Variants in EML1 observed in about 807,000 individuals in gnomAD.
EML1 encodes EMAP like 1.
A neutral mutation model predicts 110.4 loss-of-function variants in EML1; 27 were observed. That is an observed-to-expected ratio of 0.24 (90% CI 0.18 to 0.34). EML1 has a LOEUF of 0.34. Ranked by LOEUF, EML1 falls within the 10% of genes least tolerant of loss-of-function variation. EML1 has a pLI of 1.00. For synonymous variants in EML1, 344 were observed against 385.8 expected, an observed-to-expected ratio of 0.89 and a Z score of 1.27; for missense variants, 741 against 1,030.9, an observed-to-expected ratio of 0.72 and a Z score of 3.85.
chr14:99,820,181 A>G (rs979989443), intron 1 of EML1, among the ~76,000 whole-genome samples: 5 of 152,354 alleles, frequency 3.3e-5, no homozygotes, highest in South Asian at 4.1e-4. Flanking sequence ...ATATCTTTAC[A>G]TATTTTTACT....
chr14:99,879,608 CAT>C (rs2059352176), intron 4 of EML1, among the ~76,000 whole-genome samples: 1 of 152,208 alleles, frequency 6.6e-6, no homozygotes, highest in Non-Finnish European at 1.5e-5. Context: ...TTGTAGAAAA[CAT>C]AGAGACACTT....
chr14:99,869,725 G>T (rs997524739), intron 3 of EML1, among the ~76,000 whole-genome samples: 1 of 151,684 alleles, frequency 6.6e-6, no homozygotes, highest in Non-Finnish European at 1.5e-5. Flanking sequence ...GGTTCATCAG[G>T]GTAGATCCCT....
intron 2 of EML1, among the ~76,000 whole-genome samples, chr14:99,859,323 G>A (rs997800838): frequency 3.3e-5 from 5 of 152,010 alleles, no homozygotes; most frequent in African/African-American, 7.3e-5. Flanking sequence ...CATAAATACC[G>A]CACCTGTTAC....
chr14:99,909,115 C>G (rs1019906764), intron 10 of EML1, among the ~76,000 whole-genome samples: 1 of 152,168 alleles, frequency 6.6e-6, no homozygotes. Flanking sequence ...TGCTCCCTGT[C>G]CTCAAGGGCT....
chr14:99,848,175 C>G (rs185517652), intron 1 of EML1, among the ~76,000 whole-genome samples: 84 of 152,152 alleles, frequency 5.5e-4, no homozygotes, highest in African/African-American at 2.0e-3. Context: ...TAGCTACACT[C>G]CTTTGCATTA....
intron 1 of EML1, among the ~76,000 whole-genome samples, chr14:99,799,980 T>C (rs1445306513): frequency 6.6e-6 from 1 of 152,210 alleles, no homozygotes; most frequent in African/African-American, 2.4e-5. Flanking sequence ...CTTACAAAAA[T>C]TTCTTTCAGG....
chr14:99,869,850 A>G (rs914480927), intron 3 of EML1, among the ~76,000 whole-genome samples: 2 of 152,230 alleles, frequency 1.3e-5, no homozygotes, highest in South Asian at 2.1e-4. Context: ...CTCTCTTGCC[A>G]AAGGACGTGC....
chr14:99,826,568 A>T (rs2058362985), intron 1 of EML1, among the ~76,000 whole-genome samples: 1 of 152,270 alleles, frequency 6.6e-6, no homozygotes, highest in South Asian at 2.1e-4. Context: ...AGCACGCCAC[A>T]GCCTTCTGCA....
chr14:99,875,433 TTCA>T (rs1333387639), intron 3 of EML1, among the ~76,000 whole-genome samples: 1 of 152,210 alleles, frequency 6.6e-6, no homozygotes. Flanking sequence ...TGCTGCAGTT[TTCA>T]TCACTGGCAC....
chr14:99,850,584 T>C (rs900662948), intron 1 of EML1, among the ~76,000 whole-genome samples: 4 of 152,086 alleles, frequency 2.6e-5, no homozygotes, highest in Non-Finnish European at 5.9e-5. Context: ...CAAGTTGGCC[T>C]CCATGTAGAA....
intron 1 of EML1, among the ~76,000 whole-genome samples, chr14:99,842,170 C>T (rs2058644307): frequency 6.6e-6 from 1 of 152,182 alleles, no homozygotes; most frequent in Non-Finnish European, 1.5e-5. Context: ...CATTCCCAAC[C>T]TGAGGTTTTC....
At chr14:99,818,403 C>G (rs1335177437) in intron 1 of EML1, among the ~76,000 whole-genome samples, 1 of 152,150 alleles carries the variant, frequency 6.6e-6, no homozygotes, top group African/African-American at 2.4e-5. Context: ...TGTCCTATAT[C>G]TGCAGATATT....
chr14:99,860,677 A>G (rs920550862), intron 2 of EML1, among the ~76,000 whole-genome samples: 2 of 152,216 alleles, frequency 1.3e-5, no homozygotes, highest in Admixed American at 1.3e-4. Context: ...CTATTTAATC[A>G]GTCAGTGGTT....
intron 17 of EML1, among the ~76,000 whole-genome samples, chr14:99,926,167 G>A (rs1377158596): frequency 6.6e-6 from 1 of 152,164 alleles, no homozygotes; most frequent in Non-Finnish European, 1.5e-5. Context: ...GTCTGGAAAT[G>A]GTTGTTTTTG....
intron 4 of EML1, among the ~76,000 whole-genome samples, chr14:99,890,015 ATTAC>A (rs2059559489): frequency 6.6e-6 from 1 of 152,170 alleles, no homozygotes; most frequent in Non-Finnish European, 1.5e-5. Context: ...AATATAGAAT[ATTAC>A]TTACTACATC....
At position 99,914,176 on chromosome 14, in the gene EML1, C is replaced by A. The variant is rs761574628; in HGVS notation, c.1495-3C>A. On this transcript the variant is annotated splice_polypyrimidine_tract_variant and splice_region_variant and intron_variant, in intron 13 of 21. Coordinates refer to ENST00000262233, the MANE Select transcript of EML1 (RefSeq NM_004434.3). ...TTTCTTTTCATATGACTTTTCAATG[C>A]AGATTCCAGAACAGTTTGGTCCAAT... is the stretch of plus-strand genomic sequence containing the variant. 2 of 1,597,040 alleles carry A rather than the reference C, an allele frequency of 1.3e-6. No homozygotes were observed. The highest frequency in any genetic ancestry group is 1.7e-5 in the Admixed American group (1 of 58,918).
At chr14:99,816,675 G>A (rs999797892) in intron 1 of EML1, among the ~76,000 whole-genome samples, 26 of 152,222 alleles carry the variant, frequency 1.7e-4, no homozygotes, top group Non-Finnish European at 1.6e-4. Flanking sequence ...TTGAAATGAA[G>A]AAGGCCTAAG....
chr14:99,770,230 G>A (rs894951051), upstream of EML1, among the ~76,000 whole-genome samples: 10 of 152,172 alleles, frequency 6.6e-5, no homozygotes, highest in Non-Finnish European at 1.3e-4. Context: ...TGGAGGCTGG[G>A]AAGTCCAAGA....
chr14:99,877,805 A>G (rs1481273600), intron 3 of EML1, among the ~76,000 whole-genome samples: 5 of 152,086 alleles, frequency 3.3e-5, no homozygotes, highest in Non-Finnish European at 7.4e-5. Flanking sequence ...GCCATGCAGG[A>G]TTTCTAGCCG....
Sources: allele counts gnomAD v4.1 joint callset (sites outside exome capture counted in the v4.1 genomes callset), GRCh38; gene constraint gnomAD v4.1.1; transcripts MANE v1.5; gene names NCBI Gene and HGNC (gene_info 2026-07-23, HGNC 2026-07-21).